The following RBFOX1 variants were observed in gnomAD, a reference collection of about 807,000 sequenced individuals.
RBFOX1 encodes RNA binding fox-1 homolog 1.
Under a neutral mutation model 57.7 loss-of-function variants are expected in RBFOX1, and 8 were observed. That is an observed-to-expected ratio of 0.14 (90% CI 0.08 to 0.25). RBFOX1 has a LOEUF of 0.25. RBFOX1 is among the 10% of genes least tolerant of loss of function. The probability of loss-of-function intolerance (pLI) is 1.00; values close to 1 mark genes in which losing one functional copy is unlikely to be tolerated. For missense variants in RBFOX1, 611 were observed against 548.5 expected, an observed-to-expected ratio of 1.11 and a Z score of -1.14; for synonymous variants, 326 against 222.4, an observed-to-expected ratio of 1.47 and a Z score of -4.15.
rs573917034 is a variant in RBFOX1 at position 7,097,198 on chromosome 16, C to A, written c.27+45100C>A. Among the ~76,000 whole-genome samples the A allele has an allele frequency of 3.9e-5, 6 of 152,178 alleles. No homozygotes were observed. In the East Asian group the frequency reaches 1.2e-3, roughly 30 times the overall value. ...AAGAAGGTGTCTTCTCAGCTAGGAC[C>A]TGAGAGTTAGGAAACTGCTATGAGG... On this transcript the variant is annotated intron_variant, in intron 4 of 15. Transcript: ENST00000550418.
chr16:7,626,835 T>C (rs1411880769), intron 10 of RBFOX1, among the ~76,000 whole-genome samples: 1 of 152,242 alleles, frequency 6.6e-6, no homozygotes, highest in Admixed American at 6.5e-5. Flanking sequence ...AAATGTATTA[T>C]AATTCAATCA....
rs34211105 is a variant in RBFOX1, at chr16:7,038,887, G to A, written c.-15-13170G>A. Among the ~76,000 whole-genome samples the A allele has an allele frequency of 1.5e-3, 233 of 152,172 alleles. 1 individual carries two copies. Among genetic ancestry groups the A allele is most frequent in the African/African-American group, 4.4e-3 (184 of 41,484 alleles). The stretch of plus-strand genomic sequence containing the variant: ...TCCCAAGAAAACACCTCATTAAAAC[G>A]TGTAATTTGAGGTTTGTTCAAATTC... On this transcript the variant is annotated intron_variant, in intron 3 of 15. Coordinates refer to ENST00000550418, the MANE Select transcript of RBFOX1 (RefSeq NM_018723.4).
chr16:7,548,403 G>A (rs546484212), intron 5 of RBFOX1, among the ~76,000 whole-genome samples: 2 of 152,242 alleles, frequency 1.3e-5, no homozygotes, highest in African/African-American at 2.4e-5. Flanking sequence ...GTGATCCACC[G>A]GCTGCGCCAC....
At chr16:6,683,915 A>C (rs57920607) in intron 3 of RBFOX1, among the ~76,000 whole-genome samples, 6,567 of 152,292 alleles carry the variant, frequency 0.043, 377 homozygotes, top group African/African-American at 0.13. Flanking sequence ...GGGAGATCGC[A>C]TATGTGAAAA....
intron 3 of RBFOX1, among the ~76,000 whole-genome samples, chr16:5,698,961 C>T (rs1344809234): frequency 1.4e-5 from 2 of 147,320 alleles, no homozygotes; most frequent in African/African-American, 5.0e-5. Context: ...AGATATCTCT[C>T]TTATAAACAG....
In RBFOX1 at chr16:5,584,240, C is replaced by T. The variant is rs906069183; in HGVS notation, c.259-14662C>T. Among the ~76,000 whole-genome samples the T allele has an allele frequency of 3.9e-5, 6 of 152,198 alleles. No homozygotes were observed. In the East Asian group the frequency reaches 1.2e-3, roughly 29 times the overall value. On this transcript the variant is annotated intron_variant, in intron 2 of 2. Transcript: ENST00000585867. ...TCACTTGTTTTGCCATTCTCCCCAA[C>T]TTCATTTTGCAAGAGCTTCTGTAAT... is the stretch of plus-strand genomic sequence containing the variant.
intron 3 of RBFOX1, among the ~76,000 whole-genome samples, chr16:6,733,185 T>G (rs1221951060): frequency 6.6e-6 from 1 of 152,224 alleles, no homozygotes; most frequent in Non-Finnish European, 1.5e-5. Context: ...CATAGGTCAT[T>G]AGAAAGTGCT....
chr16:7,466,823 C>T (rs58151282), intron 4 of RBFOX1, among the ~76,000 whole-genome samples: 1,942 of 152,212 alleles, frequency 0.013, 47 homozygotes, highest in African/African-American at 0.045. Context: ...AGGTTGGGGA[C>T]ACCATACTTC....
chr16:7,688,764 A>G (rs899232678), intron 14 of RBFOX1, among the ~76,000 whole-genome samples: 1 of 152,158 alleles, frequency 6.6e-6, no homozygotes, highest in African/African-American at 2.4e-5. Flanking sequence ...AGAGTGAAAG[A>G]GACAGACCAT....
intron 1 of RBFOX1, among the ~76,000 whole-genome samples, chr16:6,192,303 C>T (rs967972338): frequency 2.6e-5 from 4 of 152,070 alleles, no homozygotes; most frequent in African/African-American, 9.7e-5. Context: ...TCAAAATTGG[C>T]ATTGGTAGCT....
At chr16:5,955,677 T>C (rs1331308254) in intron 4 of RBFOX1, among the ~76,000 whole-genome samples, 4 of 152,158 alleles carry the variant, frequency 2.6e-5, no homozygotes, top group South Asian at 2.1e-4. Context: ...CTTCACCACA[T>C]TGAGATTTTA....
At chr16:7,014,187 C>T (rs555035638) in intron 3 of RBFOX1, among the ~76,000 whole-genome samples, 1 of 151,868 alleles carries the variant, frequency 6.6e-6, no homozygotes, top group African/African-American at 2.4e-5. Flanking sequence ...TGAAAATAAC[C>T]TGTTCAAAAT....
intron 3 of RBFOX1, among the ~76,000 whole-genome samples, chr16:5,644,461 A>G (rs2151338997): frequency 6.6e-6 from 1 of 152,336 alleles, no homozygotes; most frequent in East Asian, 1.9e-4. Flanking sequence ...GATGGGTTGA[A>G]GTTGGACTGT....
rs530772221 is a variant in RBFOX1 at position 7,479,152 on chromosome 16, C to G, written c.28-38995C>G. ...TTAATTTTAATTTTAGGGACAGGGT[C>G]TCGGTCTGTTGCCTAGGCTGGAGCG... is the stretch of plus-strand genomic sequence containing the variant. On this transcript the variant is annotated intron_variant, in intron 4 of 15. Transcript: ENST00000550418. 5.3e-5 allele frequency among the ~76,000 whole-genome samples: 8 copies of G among 149,758 alleles called. No homozygotes were observed. The South Asian group carries it at 1.1e-3, about 20-fold the overall frequency.
intron 3 of RBFOX1, among the ~76,000 whole-genome samples, chr16:6,813,043 G>A (rs117014866): frequency 0.013 from 1,995 of 151,774 alleles, 24 homozygotes; most frequent in Middle Eastern, 0.027. Flanking sequence ...TATTGTCATG[G>A]CAACCAGTCA....
At chr16:7,378,313 C>A (rs966245704) in intron 4 of RBFOX1, among the ~76,000 whole-genome samples, 1 of 152,142 alleles carries the variant, frequency 6.6e-6, no homozygotes, top group East Asian at 1.9e-4. Flanking sequence ...GATGACGAAG[C>A]TTCTATCTTT....
intron 3 of RBFOX1, among the ~76,000 whole-genome samples, chr16:6,992,821 T>C (rs1018263841): frequency 6.3e-5 from 9 of 142,488 alleles, no homozygotes; most frequent in Admixed American, 2.2e-4. Context: ...CCAGAAAGGC[T>C]GATTCCTTCC....
intron 4 of RBFOX1, among the ~76,000 whole-genome samples, chr16:7,266,658 T>C (rs1705049351): frequency 6.6e-6 from 1 of 152,114 alleles, no homozygotes; most frequent in Non-Finnish European, 1.5e-5. Context: ...TCCGTAACAA[T>C]GGTATACAAA....
intron 3 of RBFOX1, among the ~76,000 whole-genome samples, chr16:5,691,374 C>T (rs773605183): frequency 6.6e-6 from 1 of 152,118 alleles, no homozygotes; most frequent in East Asian, 1.9e-4. Flanking sequence ...CTGCATAGAG[C>T]CATGCAGCTG....
Sources: allele counts gnomAD v4.1 joint callset (sites outside exome capture counted in the v4.1 genomes callset), GRCh38; gene constraint gnomAD v4.1.1; transcripts MANE v1.5; gene names NCBI Gene and HGNC (gene_info 2026-07-23, HGNC 2026-07-21).